The following RABGAP1L variants were observed in gnomAD, a reference collection of about 807,000 sequenced individuals.
RABGAP1L encodes the protein rab GTPase-activating protein 1-like.
In RABGAP1L, 63 loss-of-function variants were observed where a neutral mutation model predicts 137.7. The observed-to-expected ratio is 0.46, with a 90% CI of 0.37 to 0.56. The LOEUF (loss-of-function observed/expected upper bound fraction) is 0.56, where lower values mean the gene tolerates loss of function less well. Among genes scored for constraint, RABGAP1L ranks in the 20% least tolerant of loss-of-function variants. The pLI is 0.00. For synonymous variants in RABGAP1L, 431 were observed against 433.7 expected, an observed-to-expected ratio of 0.99 and a Z score of 0.08; for missense variants, 1,095 against 1,244.0, an observed-to-expected ratio of 0.88 and a Z score of 1.80.
chr1:174,704,365 G>A (rs1167458528), intron 17 of RABGAP1L, among the ~76,000 whole-genome samples: 2 of 152,206 alleles, frequency 1.3e-5, no homozygotes, highest in Non-Finnish European at 2.9e-5. Flanking sequence ...AAGATGCAAT[G>A]TGTAAACTAT....
intron 13 of RABGAP1L, among the ~76,000 whole-genome samples, chr1:174,483,064 A>T (rs1267266283): frequency 6.6e-6 from 1 of 152,216 alleles, no homozygotes; most frequent in Admixed American, 6.5e-5. Flanking sequence ...TGCATGCAAT[A>T]TGTAATAATC....
intron 11 of RABGAP1L, among the ~76,000 whole-genome samples, chr1:174,370,512 CTTT>C (rs372406044): frequency 2.0e-5 from 1 of 50,358 alleles, no homozygotes; most frequent in Non-Finnish European, 3.5e-5. Context: ...AGAAACCTAA[CTTT>C]TTTTTTTTTT....
intron 11 of RABGAP1L, among the ~76,000 whole-genome samples, chr1:174,350,189 A>ACCC (rs1156878544): frequency 1.5e-5 from 1 of 68,528 alleles, no homozygotes; most frequent in East Asian, 4.5e-4. Context: ...CGGGGGGCTG[A>ACCC]CCCCCCCCCC....
chr1:174,447,015 T>A (rs1457765035), intron 13 of RABGAP1L, among the ~76,000 whole-genome samples: 1 of 152,152 alleles, frequency 6.6e-6, no homozygotes, highest in East Asian at 1.9e-4. Flanking sequence ...GTTGCAAAGG[T>A]GAGAAATAAC....
intron 13 of RABGAP1L, among the ~76,000 whole-genome samples, chr1:174,421,618 A>G (rs10912785): frequency 0.046 from 7,045 of 151,996 alleles, 542 homozygotes; most frequent in African/African-American, 0.16. Flanking sequence ...AACATTCTCT[A>G]TTTTGCCTTT....
At chr1:174,965,033 C>G (rs1247330509) in intron 20 of RABGAP1L, 1 of 1,329,384 alleles carries the variant, frequency 7.5e-7, no homozygotes, top group Non-Finnish European at 1.0e-6. Context: ...CAGTGTCTGT[C>G]TCTTTGAAAA....
At chr1:174,684,466 C>T (rs954977241) in intron 15 of RABGAP1L, among the ~76,000 whole-genome samples, 9 of 151,988 alleles carry the variant, frequency 5.9e-5, no homozygotes, top group East Asian at 1.9e-4. Flanking sequence ...CAATTGTACA[C>T]GGGGAGTGGT....
intron 14 of RABGAP1L, among the ~76,000 whole-genome samples, chr1:174,670,205 A>G (rs1048665202): frequency 2.0e-5 from 3 of 151,924 alleles, no homozygotes; most frequent in Non-Finnish European, 4.4e-5. Flanking sequence ...CCTTGGTTAA[A>G]TTTATTCCTA....
At chr1:174,716,646 AT>A (rs1188048554) in intron 17 of RABGAP1L, among the ~76,000 whole-genome samples, 2 of 151,298 alleles carry the variant, frequency 1.3e-5, no homozygotes, top group Non-Finnish European at 3.0e-5. Context: ...CTTATTTTTT[AT>A]TTTTTTCTTT....
At position 174,796,685 on chromosome 1, in the gene RABGAP1L, G is replaced by A. The variant is rs78869093; in HGVS notation, c.2212-15147G>A. Among the ~76,000 whole-genome samples, 540 of 152,248 alleles carry A rather than the reference G, an allele frequency of 3.5e-3. 3 individuals are homozygous for A. The highest frequency in any genetic ancestry group is 0.012 in the African/African-American group (517 of 41,550). ...AGCATTTTGTTAAACATACCTAACTGTTTTAAGTGAAACTTGGTTTGCTCA... is the reference window on the plus strand; with the variant it reads ...AGCATTTTGTTAAACATACCTAACTATTTTAAGTGAAACTTGGTTTGCTCA... On this transcript the variant is annotated intron_variant, in intron 18 of 25. Transcript: ENST00000681986.
chr1:174,189,294 G>A (rs566199217), intron 1 of RABGAP1L, among the ~76,000 whole-genome samples: 83 of 152,216 alleles, frequency 5.5e-4, no homozygotes, highest in Non-Finnish European at 5.6e-4. Context: ...CGTGAGCCAC[G>A]ACGCCCGGCA....
intron 18 of RABGAP1L, among the ~76,000 whole-genome samples, chr1:174,780,876 C>T (rs893841641): frequency 4.7e-5 from 7 of 150,530 alleles, no homozygotes; most frequent in African/African-American, 1.7e-4. Flanking sequence ...CAATTTCATC[C>T]ATGTCCCTAC....
At chr1:174,566,082 G>A (rs149082509) in intron 13 of RABGAP1L, among the ~76,000 whole-genome samples, 5 of 152,078 alleles carry the variant, frequency 3.3e-5, no homozygotes, top group African/African-American at 7.2e-5. Flanking sequence ...GTTTTACCAC[G>A]TTGCCCAGGC....
chr1:174,638,334 C>T (rs1032456188), intron 14 of RABGAP1L, among the ~76,000 whole-genome samples: 7 of 152,178 alleles, frequency 4.6e-5, no homozygotes. Context: ...AAATCTGTTT[C>T]ATTTTATATT....
At chr1:174,955,906 A>G (rs1668447747) in intron 19 of RABGAP1L, among the ~76,000 whole-genome samples, 1 of 152,164 alleles carries the variant, frequency 6.6e-6, no homozygotes, top group Non-Finnish European at 1.5e-5. Flanking sequence ...ACATAGCCAG[A>G]CCCCATCTCT....
chr1:174,539,506 T>C (rs1435350223), intron 13 of RABGAP1L, among the ~76,000 whole-genome samples: 1 of 152,166 alleles, frequency 6.6e-6, no homozygotes, highest in Non-Finnish European at 1.5e-5. Flanking sequence ...AGTGTTCTCA[T>C]TGTTCAATTC....
At chr1:174,502,208 A>T (rs1054603912) in intron 13 of RABGAP1L, among the ~76,000 whole-genome samples, 18 of 152,108 alleles carry the variant, frequency 1.2e-4, no homozygotes, top group African/African-American at 3.4e-4. Flanking sequence ...ATTAATTATT[A>T]TAAGCAGCTA....
At chr1:174,414,115 A>G (rs1045160422) in intron 13 of RABGAP1L, among the ~76,000 whole-genome samples, 7 of 152,204 alleles carry the variant, frequency 4.6e-5, no homozygotes, top group Non-Finnish European at 7.3e-5. Context: ...GCAGTAAATT[A>G]TAACAGACTA....
Position 174,990,146 on chromosome 1 carries a change from A to T in RABGAP1L, c.*145A>T. ...AGTAGCTCTCACTCTTTCTTGTATG[A>T]CACTTTTCAAAGGGATGCTATTTAA... is the stretch of plus-strand genomic sequence containing the variant. On this transcript the variant is annotated 3_prime_UTR_variant, in exon 26 of 26. Coordinates refer to ENST00000681986, the MANE Select transcript of RABGAP1L (RefSeq NM_001366446.1). 1.9e-6 allele frequency: 2 copies of T among 1,070,376 alleles called. No homozygotes were observed. The highest frequency in any genetic ancestry group is 2.6e-6 in the Non-Finnish European group (2 of 762,308). The allele number at this position is 1,070,376 out of a possible 1,614,324, so 66.3% of individuals were successfully genotyped here. A position where few individuals can be genotyped will look rare whatever the true frequency, so the allele number is the denominator to read the frequency against.
Sources: gnomAD v4.1 joint callset for allele counts (sites outside exome capture counted in the v4.1 genomes callset) on GRCh38, gnomAD v4.1.1 for gene constraint, MANE v1.5 for transcripts, NCBI Gene and HGNC (gene_info 2026-07-23, HGNC 2026-07-21) for gene names.